The following AFF2 variants were observed in gnomAD, a reference collection of about 807,000 sequenced individuals.
The protein encoded by AFF2 is AF4/FMR2 family member 2.
In AFF2, 14 loss-of-function variants were observed where a neutral mutation model predicts 76.9. The ratio of observed to expected loss-of-function variants is 0.18; its 90% CI spans 0.12 to 0.28. AFF2 has a LOEUF of 0.28. AFF2 is among the 10% of genes least tolerant of loss of function. The pLI, the probability that AFF2 is intolerant of heterozygous loss-of-function variation, is 1.00. For missense variants in AFF2, 868 were observed against 1,001.1 expected (o/e 0.87, Z 1.79); for synonymous variants, 398 against 366.7 (o/e 1.09, Z -0.98).
chrX:148,505,779 C>G (rs1208631041), intron 1 of AFF2, among the ~76,000 whole-genome samples: 1 of 112,084 alleles, frequency 8.9e-6, no homozygotes, highest in Non-Finnish European at 1.9e-5. Flanking sequence ...GTCACGTAGA[C>G]AAAACAATTT....
chrX:148,874,591 A>G (rs1411568759), intron 7 of AFF2, among the ~76,000 whole-genome samples: 2 of 112,000 alleles, frequency 1.8e-5, no homozygotes, highest in African/African-American at 6.5e-5. Flanking sequence ...TGAATTACAG[A>G]GCCCTTGATT....
chrX:148,820,675 G>T (rs2070317734), intron 4 of AFF2, among the ~76,000 whole-genome samples: 1 of 111,738 alleles, frequency 8.9e-6, no homozygotes, highest in African/African-American at 3.2e-5. Context: ...GTTAGAGTTA[G>T]AATTATGGGT....
In AFF2 at chrX:148,638,709, G is replaced by C. The variant is rs1278160543; in HGVS notation, c.48-13290G>C. Among the ~76,000 whole-genome samples, 28 of 111,095 alleles carry C rather than the reference G, an allele frequency of 2.5e-4. No individual in the cohort carries two copies. The Admixed American group carries it at 2.7e-3, about 11-fold the overall frequency. ...TCACGTGGCAAAAGAAGGAGCAAGG[G>C]AGAGAGGGGAGGTGCCACACACTTA... On this transcript the variant is annotated intron_variant, in intron 1 of 20. Transcript: ENST00000370460.
intron 4 of AFF2, among the ~76,000 whole-genome samples, chrX:148,829,814 G>A (rs1384911123): frequency 8.9e-6 from 1 of 111,752 alleles, no homozygotes; most frequent in Non-Finnish European, 1.9e-5. Context: ...TAGGCTCCAT[G>A]ATTGGAAACC....
intron 3 of AFF2, among the ~76,000 whole-genome samples, chrX:148,706,627 G>A (rs782652755): frequency 6.2e-5 from 7 of 112,251 alleles, no homozygotes; most frequent in East Asian, 5.6e-4. Context: ...GTGATAGCCC[G>A]CACCAGAATA....
chrX:148,683,231 G>T (rs2054567933), intron 3 of AFF2, among the ~76,000 whole-genome samples: 1 of 112,016 alleles, frequency 8.9e-6, no homozygotes, highest in African/African-American at 3.2e-5. Flanking sequence ...ATGTCCTGAG[G>T]TTGTGGATTG....
chrX:148,861,758 T>C (rs1407802887), intron 7 of AFF2, among the ~76,000 whole-genome samples: 1 of 111,638 alleles, frequency 9.0e-6, no homozygotes, highest in Non-Finnish European at 1.9e-5. Context: ...TATCTTGCCA[T>C]CTTCACTCCA....
intron 1 of AFF2, among the ~76,000 whole-genome samples, chrX:148,597,910 G>C (rs782660371): frequency 3.6e-5 from 4 of 111,932 alleles, no homozygotes; most frequent in African/African-American, 1.3e-4. Flanking sequence ...GGCTCGCTGC[G>C]GTATAAAGGT....
chrX:148,553,284 G>GT (rs2053015715), intron 1 of AFF2, among the ~76,000 whole-genome samples: 1 of 111,675 alleles, frequency 9.0e-6, no homozygotes, highest in Non-Finnish European at 1.9e-5. Flanking sequence ...ACAATTTTAA[G>GT]TTTTTTTGCA....
intron 1 of AFF2, among the ~76,000 whole-genome samples, chrX:148,579,971 T>C (rs1466109303): frequency 9.0e-6 from 1 of 111,605 alleles, no homozygotes; most frequent in Non-Finnish European, 1.9e-5. Context: ...ATTAAACTAA[T>C]TTCCTTTGGG....
intron 19 of AFF2, among the ~76,000 whole-genome samples, chrX:148,983,953 C>CCAAAAAAAAAAAAAAAAAAAAA (rs2072427363): frequency 3.4e-5 from 1 of 29,124 alleles, no homozygotes; most frequent in African/African-American, 1.2e-4. Context: ...GTGAAATAGA[C>CCAAAAAAAAAAAAAAAAAAAAA]AAAAAAAAAA....
chrX:148,920,815 A>G (rs1557283115), intron 9 of AFF2, among the ~76,000 whole-genome samples: 2 of 111,217 alleles, frequency 1.8e-5, no homozygotes, highest in African/African-American at 3.3e-5. Flanking sequence ...CTTTTTGCCT[A>G]TGGAATATCA....
intron 3 of AFF2, among the ~76,000 whole-genome samples, chrX:148,672,562 A>G (rs2054436527): frequency 8.9e-6 from 1 of 112,031 alleles, no homozygotes; most frequent in Non-Finnish European, 1.9e-5. Context: ...CTGGCACGTA[A>G]AGGGCAAGAG....
intron 3 of AFF2, among the ~76,000 whole-genome samples, chrX:148,698,259 C>A (rs1247840524): frequency 1.8e-5 from 2 of 112,451 alleles, no homozygotes; most frequent in Non-Finnish European, 3.8e-5. Context: ...ATCTAAATGG[C>A]TTTAGGCATC....
chrX:148,702,535 A>C (rs2054813815), intron 3 of AFF2, among the ~76,000 whole-genome samples: 1 of 111,839 alleles, frequency 8.9e-6, no homozygotes, highest in Admixed American at 9.5e-5. Flanking sequence ...GCAATCAGGC[A>C]CAGGTGGTTC....
chrX:148,740,261 T>C (rs2055335527), intron 3 of AFF2, among the ~76,000 whole-genome samples: 1 of 112,286 alleles, frequency 8.9e-6, no homozygotes, highest in Admixed American at 9.4e-5. Context: ...CTTTTAGAAT[T>C]GTCTTCTTCC....
chrX:148,871,572 G>C (rs1388882887), intron 7 of AFF2, among the ~76,000 whole-genome samples: 1 of 111,676 alleles, frequency 9.0e-6, no homozygotes, highest in African/African-American at 3.3e-5. Flanking sequence ...CATCGTATTA[G>C]AGCAACTCAT....
At chrX:148,769,921 G>A (rs892819052) in intron 3 of AFF2, among the ~76,000 whole-genome samples, 27 of 111,502 alleles carry the variant, frequency 2.4e-4, no homozygotes, top group African/African-American at 7.8e-4. Context: ...GCTGCTGGGG[G>A]CAGAGCTTTC....
At chrX:148,726,145 C>A in intron 3 of AFF2, among the ~76,000 whole-genome samples, 1 of 112,183 alleles carries the variant, frequency 8.9e-6, no homozygotes, top group East Asian at 2.8e-4. Context: ...CTTGAGGAAT[C>A]CATGTGCAGG....
Sources: allele counts gnomAD v4.1 joint callset (sites outside exome capture counted in the v4.1 genomes callset), GRCh38; gene constraint gnomAD v4.1.1; transcripts MANE v1.5; gene names NCBI Gene and HGNC (gene_info 2026-07-23, HGNC 2026-07-21).